EPHX2: variants seen among roughly 807,000 people sequenced by gnomAD.
The protein encoded by EPHX2 is epoxide hydrolase 2.
Under a neutral mutation model 78.7 loss-of-function variants are expected in EPHX2, and 74 were observed. That is an observed-to-expected ratio of 0.94 (90% confidence interval 0.78 to 1.14). EPHX2 has a LOEUF of 1.14. EPHX2 is among the 50% of genes most tolerant of loss of function. The pLI, the probability that EPHX2 is intolerant of heterozygous loss-of-function variation, is 0.00. For synonymous variants in EPHX2, 251 were observed against 255.2 expected, an observed-to-expected ratio of 0.98 and a Z score of 0.16; for missense variants, 715 against 702.5, an observed-to-expected ratio of 1.02 and a Z score of -0.20.
intron 6 of EPHX2, among the ~76,000 whole-genome samples, chr8:27,512,604 G>T (rs1240156774): frequency 6.6e-6 from 1 of 152,216 alleles, no homozygotes; most frequent in Non-Finnish European, 1.5e-5. Flanking sequence ...CAGAGCAGGG[G>T]TTTAGTACGT....
chr8:27,543,124 C>T (rs754255466), intron 16 of EPHX2, among the ~76,000 whole-genome samples: 1 of 151,290 alleles, frequency 6.6e-6, no homozygotes, highest in Non-Finnish European at 1.5e-5. Context: ...CTTCTCCTGG[C>T]TCCTGGTTGT....
chr8:27,501,942 C>G (rs925105453), intron 2 of EPHX2, among the ~76,000 whole-genome samples: 1 of 152,148 alleles, frequency 6.6e-6, no homozygotes, highest in African/African-American at 2.4e-5. Flanking sequence ...TGAATGTCAT[C>G]TTTTAACTTT....
At chr8:27,541,203 G>A (rs1351869297) in intron 15 of EPHX2, among the ~76,000 whole-genome samples, 1 of 152,180 alleles carries the variant, frequency 6.6e-6, no homozygotes, top group East Asian at 1.9e-4. Context: ...GGAGGGTCCT[G>A]TAGGGCCGGC....
chr8:27,515,682 G>T, intron 6 of EPHX2, 36 bp from the exon 7 acceptor site: 2 of 1,589,440 alleles, frequency 1.3e-6, no homozygotes, highest in Non-Finnish European at 1.7e-6. Flanking sequence ...TGGGCCTGGT[G>T]CTTGGTCGCT....
intron 11 of EPHX2, among the ~76,000 whole-genome samples, chr8:27,523,294 A>C (rs540717783): frequency 6.6e-6 from 1 of 152,358 alleles, no homozygotes; most frequent in Non-Finnish European, 1.5e-5. Flanking sequence ...GCAAATGTCC[A>C]GTGAGCCCAG....
chr8:27,512,096 T>TCAA, intron 6 of EPHX2, 186 bp downstream of exon 6: 1 of 221,568 alleles, frequency 4.5e-6, no homozygotes, highest in Non-Finnish European at 8.1e-6. Context: ...AAACCCTGTC[T>TCAA]CAAGAAAAAA....
chr8:27,516,021 C>T (rs1451200770), intron 7 of EPHX2, among the ~76,000 whole-genome samples: 1 of 152,204 alleles, frequency 6.6e-6, no homozygotes, highest in Non-Finnish European at 1.5e-5. Context: ...AAAGGGCAGA[C>T]TTCTTTAAGA....
At chr8:27,515,665 G>C in intron 6 of EPHX2, 53 bp from the exon 7 acceptor site, 2 of 1,484,728 alleles carry the variant, frequency 1.3e-6, no homozygotes, top group Non-Finnish European at 1.9e-6. Context: ...GTGGGGCCTG[G>C]GTCCACTGGG....
At chr8:27,530,363 G>A (rs189238941) in intron 12 of EPHX2, among the ~76,000 whole-genome samples, 133 of 152,206 alleles carry the variant, frequency 8.7e-4, no homozygotes, top group Middle Eastern at 6.8e-3. Flanking sequence ...AAGCTGAATC[G>A]CCCTTTGCCC....
chr8:27,505,231 C>A, intron 4 of EPHX2, 85 bp downstream of exon 4: 1 of 1,368,828 alleles, frequency 7.3e-7, no homozygotes, highest in African/African-American at 1.4e-5. Context: ...AGGTGGGATG[C>A]ATCTTGGGCC....
Position 27,507,287 on chromosome 8 carries a change from T to C in EPHX2, c.660+293T>C, listed in dbSNP as rs113530743. Among the ~76,000 whole-genome samples, 21 of 152,300 alleles carry C rather than the reference T, an allele frequency of 1.4e-4. 1 individual carries two copies. Among genetic ancestry groups the C allele is most frequent in the African/African-American group, 5.1e-4 (21 of 41,578 alleles). On this transcript the variant is annotated intron_variant, in intron 5 of 18. Transcript: ENST00000521400. Reference sequence around the variant, plus strand: ...GTTCAAGGTCATCCTGACCTCACTTTTGAGAGTAAGTATGGAGAACGTTTA... The same window carrying C: ...GTTCAAGGTCATCCTGACCTCACTTCTGAGAGTAAGTATGGAGAACGTTTA...
At chr8:27,505,191 T>C (rs762009743) in intron 4 of EPHX2, 45 bp downstream of exon 4, 11 of 1,599,772 alleles carry the variant, frequency 6.9e-6, no homozygotes, top group Admixed American at 3.4e-5. Flanking sequence ...TTCAGAGATA[T>C]TGCAACCAGG....
At chr8:27,522,331 C>G (rs1471604783) in intron 10 of EPHX2, 92 bp from the exon 11 acceptor site, 14 of 1,232,496 alleles carry the variant, frequency 1.1e-5, no homozygotes, top group Non-Finnish European at 1.6e-5. Context: ...GGAGGAGACC[C>G]TGGTGTCGAG....
chr8:27,534,522 G>C (rs562582226), intron 12 of EPHX2, among the ~76,000 whole-genome samples: 1 of 152,046 alleles, frequency 6.6e-6, no homozygotes, highest in Admixed American at 6.5e-5. Flanking sequence ...CGTGATAGTG[G>C]GCCCCTGTAA....
intron 1 of EPHX2, among the ~76,000 whole-genome samples, chr8:27,496,223 G>C (rs1813567011): frequency 1.3e-5 from 2 of 152,220 alleles, no homozygotes; most frequent in South Asian, 4.1e-4. Flanking sequence ...AAGTTCAAGA[G>C]AGCTAGAGTA....
At chr8:27,538,522 A>AGAGG (rs1163918852) in intron 13 of EPHX2, 137 bp from the exon 14 acceptor site, 3 of 738,718 alleles carry the variant, frequency 4.1e-6, no homozygotes, top group African/African-American at 1.8e-5. Flanking sequence ...CGTGGTACTC[A>AGAGG]GAGGTCATTT....
intron 13 of EPHX2, among the ~76,000 whole-genome samples, chr8:27,538,266 G>T (rs1815276414): frequency 6.6e-6 from 1 of 152,106 alleles, no homozygotes; most frequent in Non-Finnish European, 1.5e-5. Context: ...GCATGTCAGA[G>T]ACCCCAGATT....
intron 5 of EPHX2, among the ~76,000 whole-genome samples, chr8:27,510,555 C>T (rs1814200528): frequency 6.6e-6 from 1 of 152,138 alleles, no homozygotes; most frequent in Non-Finnish European, 1.5e-5. Flanking sequence ...TCTAATACCT[C>T]AGGATGTGAC....
chr8:27,522,227 T>C (rs747833786), intron 10 of EPHX2, among the ~76,000 whole-genome samples, 196 bp from the exon 11 acceptor site: 1 of 152,042 alleles, frequency 6.6e-6, no homozygotes, highest in Non-Finnish European at 1.5e-5. Flanking sequence ...CCTAAGCAGA[T>C]GTAAAAGGCT....
Sources: gnomAD v4.1 joint callset for allele counts (sites outside exome capture counted in the v4.1 genomes callset) on GRCh38, gnomAD v4.1.1 for gene constraint, MANE v1.5 for transcripts, NCBI Gene and HGNC (gene_info 2026-07-23, HGNC 2026-07-21) for gene names.